Variants in CDH11 observed in about 807,000 individuals in gnomAD.
CDH11 encodes cadherin-11.
In CDH11, 11 loss-of-function variants were observed where a neutral mutation model predicts 67.8. The ratio of observed to expected loss-of-function variants is 0.16; its 90% CI spans 0.10 to 0.27. The LOEUF is 0.27. Among genes scored for constraint, CDH11 ranks in the 10% least tolerant of loss-of-function variants. The pLI, the probability that CDH11 is intolerant of heterozygous loss-of-function variation, is 1.00. For synonymous variants in CDH11, 419 were observed against 400.0 expected (o/e 1.05, Z -0.57); for missense variants, 847 against 1,031.2 (o/e 0.82, Z 2.45).
At chr16:65,081,985 C>CCACTGCTT (rs2074619245) in intron 1 of CDH11, among the ~76,000 whole-genome samples, 1 of 152,144 alleles carries the variant, frequency 6.6e-6, no homozygotes, top group Non-Finnish European at 1.5e-5. Flanking sequence ...CTGCACAGGG[C>CCACTGCTT]CACTGCTTCC....
chr16:65,044,675 T>A (rs780147426), intron 2 of CDH11, among the ~76,000 whole-genome samples: 2 of 151,880 alleles, frequency 1.3e-5, no homozygotes, highest in Non-Finnish European at 2.9e-5. Context: ...AATTGAGGTG[T>A]CAAGCATCAC....
intron 2 of CDH11, among the ~76,000 whole-genome samples, chr16:65,036,546 C>A (rs1009014523): frequency 6.6e-6 from 1 of 152,096 alleles, no homozygotes; most frequent in African/African-American, 2.4e-5. Context: ...GAAATGCAGA[C>A]CCAACTACCC....
chr16:65,075,469 T>C (rs961140776), intron 1 of CDH11, among the ~76,000 whole-genome samples: 1 of 152,194 alleles, frequency 6.6e-6, no homozygotes, highest in African/African-American at 2.4e-5. Flanking sequence ...TCAAGCATTG[T>C]TGCAAATTGT....
At chr16:65,088,557 C>T (rs1462340952) in intron 1 of CDH11, among the ~76,000 whole-genome samples, 1 of 152,176 alleles carries the variant, frequency 6.6e-6, no homozygotes, top group Non-Finnish European at 1.5e-5. Context: ...ACATCTTAAA[C>T]TTTTCAGTTG....
At chr16:65,102,785 G>T (rs1022297007) in intron 1 of CDH11, among the ~76,000 whole-genome samples, 5 of 152,114 alleles carry the variant, frequency 3.3e-5, no homozygotes, top group Non-Finnish European at 7.3e-5. Flanking sequence ...CCCTATTCTT[G>T]GCCATCCTCT....
At chr16:65,070,189 C>T (rs187812352) in intron 1 of CDH11, among the ~76,000 whole-genome samples, 77 of 152,200 alleles carry the variant, frequency 5.1e-4, no homozygotes, top group African/African-American at 1.3e-3. Flanking sequence ...CTAGAAGCTC[C>T]GTTATTTTAT....
At chr16:64,979,401 C>G (rs537116964) in intron 8 of CDH11, among the ~76,000 whole-genome samples, 1 of 152,136 alleles carries the variant, frequency 6.6e-6, no homozygotes, top group Admixed American at 6.5e-5. Context: ...GAGCTGAGAT[C>G]GTGCCACTGC....
rs569117881 is a variant in CDH11 at position 65,004,905 on chromosome 16, G to C, written c.-36C>G. ...GTGGTAGGCACAGGAGAATGCAGCT[G>C]TCACCCCTTCCACCAACTGTACGGT... On this transcript the variant is annotated 5_prime_UTR_variant, in exon 3 of 13. Transcript: ENST00000268603. 3 of 1,474,424 alleles carry C rather than the reference G, an allele frequency of 2.0e-6. No homozygotes were observed. The highest frequency in any genetic ancestry group is 2.5e-5 in the East Asian group (1 of 39,690). The allele number at this position is 1,474,424 out of a possible 1,614,324, so 91.3% of individuals were successfully genotyped here. A position where few individuals can be genotyped will look rare whatever the true frequency, so the allele number is the denominator to read the frequency against.
rs984307391 is a variant in CDH11 at position 65,045,321 on chromosome 16, C to G, written c.-173+8483G>C. Among the ~76,000 whole-genome samples, 4 of 82,576 alleles carry G rather than the reference C, an allele frequency of 4.8e-5. No homozygotes were observed. The South Asian group carries it at 1.5e-3, about 31-fold the overall frequency. 54.2% of individuals were successfully genotyped at this position (82,576 alleles called of 152,430 possible). ...GACCAAGTTTTTAAAAATTTGTTTC[C>G]CTCAAAAGTATATATATATATATAT... On this transcript the variant is annotated intron_variant, in intron 2 of 12. Transcript: ENST00000268603.
chr16:65,086,733 G>A (rs1002870287), intron 1 of CDH11, among the ~76,000 whole-genome samples: 6 of 152,082 alleles, frequency 3.9e-5, no homozygotes, highest in African/African-American at 9.7e-5. Flanking sequence ...CCTTTGAAAC[G>A]AGTTTCCCAG....
At chr16:65,010,186 A>G (rs2142544175) in intron 2 of CDH11, among the ~76,000 whole-genome samples, 1 of 152,266 alleles carries the variant, frequency 6.6e-6, no homozygotes, top group African/African-American at 2.4e-5. Flanking sequence ...TAAGAATATT[A>G]CCACGGCCCA....
intron 1 of CDH11, among the ~76,000 whole-genome samples, chr16:65,097,283 G>A: frequency 6.6e-6 from 1 of 152,186 alleles, no homozygotes. Context: ...GGTCATGCTG[G>A]ACAAATTAGC....
intron 4 of CDH11, among the ~76,000 whole-genome samples, chr16:64,997,266 C>G (rs2072794549): frequency 6.7e-6 from 1 of 149,004 alleles, no homozygotes. Flanking sequence ...CATTACGGCA[C>G]TCCAGCCTGA....
At chr16:65,011,398 T>G (rs1439926468) in intron 2 of CDH11, among the ~76,000 whole-genome samples, 2 of 152,134 alleles carry the variant, frequency 1.3e-5, no homozygotes, top group South Asian at 4.1e-4. Flanking sequence ...AAAATAATCT[T>G]TGTTAGATGT....
At chr16:65,117,990 CT>C (rs1262857831) in intron 1 of CDH11, among the ~76,000 whole-genome samples, 1 of 152,188 alleles carries the variant, frequency 6.6e-6, no homozygotes, top group Non-Finnish European at 1.5e-5. Context: ...GATCCACCCA[CT>C]AGAGAGATGC....
At chr16:65,058,797 T>A (rs961829770) in intron 1 of CDH11, among the ~76,000 whole-genome samples, 5 of 152,202 alleles carry the variant, frequency 3.3e-5, no homozygotes, top group African/African-American at 1.2e-4. Context: ...TGAGCCTCAG[T>A]TTCCTCACTA....
rs200766127 is a variant in CDH11, at chr16:64,947,861, C to T, written c.2133G>A (p.Ala711=). ...AGTCATCGACATCCACGCTGTTGGG[C>T]GCTGGCCGGAGCCCAGGTCTAGGCA... ...QYMPRPGLRP[A]PNSVDVDDFI... The change falls in exon 13 of 13, where the codon GCG becomes GCA. Residue 711 remains alanine (A), a synonymous_variant. Coordinates refer to ENST00000268603, the MANE Select transcript of CDH11 (RefSeq NM_001797.4). 699 of 1,614,100 alleles carry T rather than the reference C, an allele frequency of 4.3e-4. 6 individuals are homozygous for T. In the South Asian group the frequency reaches 4.7e-3, roughly 11 times the overall value.
intron 1 of CDH11, among the ~76,000 whole-genome samples, chr16:65,056,997 A>G (rs909049338): frequency 7.2e-5 from 11 of 152,136 alleles, no homozygotes; most frequent in African/African-American, 2.7e-4. Context: ...AGAAAGAGGG[A>G]CTGTGGATTC....
intron 1 of CDH11, chr16:65,072,075 G>A: frequency 6.6e-6 from 1 of 152,332 alleles, no homozygotes; most frequent in Non-Finnish European, 1.5e-5. Context: ...TGGTGCAGCA[G>A]CTAGCCGCCG....
Sources: allele counts gnomAD v4.1 joint callset (sites outside exome capture counted in the v4.1 genomes callset), GRCh38; gene constraint gnomAD v4.1.1; transcripts MANE v1.5; gene names NCBI Gene and HGNC (gene_info 2026-07-23, HGNC 2026-07-21).